Variants in CTNND2 observed in about 807,000 individuals in gnomAD.
CTNND2 encodes the protein catenin delta 2.
Under a neutral mutation model 144.4 loss-of-function variants are expected in CTNND2, and 22 were observed. The ratio of observed to expected loss-of-function variants is 0.15; its 90% confidence interval spans 0.11 to 0.22. CTNND2 has a LOEUF of 0.22. CTNND2 is among the 10% of genes least tolerant of loss of function. The pLI is 1.00. For synonymous variants in CTNND2, 751 were observed against 695.6 expected, an observed-to-expected ratio of 1.08 and a Z score of -1.25; for missense variants, 1,353 against 1,618.8, an observed-to-expected ratio of 0.84 and a Z score of 2.82.
intron 2 of CTNND2, among the ~76,000 whole-genome samples, chr5:11,648,668 G>A (rs1421905221): frequency 6.6e-6 from 1 of 151,742 alleles, no homozygotes; most frequent in Non-Finnish European, 1.5e-5. Flanking sequence ...ATTCTCTCAT[G>A]ATCTATAATT....
intron 1 of CTNND2, among the ~76,000 whole-genome samples, chr5:11,885,986 G>T (rs1358878969): frequency 6.6e-6 from 1 of 151,890 alleles, no homozygotes; most frequent in African/African-American, 2.4e-5. Context: ...AATAAAAATG[G>T]AAACACAACA....
intron 4 of CTNND2, 89 bp from the exon 5 acceptor site, chr5:11,411,741 T>C (rs1399155864): frequency 1.2e-6 from 1 of 844,940 alleles, no homozygotes; most frequent in Non-Finnish European, 1.9e-6. Flanking sequence ...GAAAATATCC[T>C]AGTCAAATAT....
At chr5:11,213,455 C>T (rs748677) in intron 10 of CTNND2, among the ~76,000 whole-genome samples, 21 of 152,186 alleles carry the variant, frequency 1.4e-4, no homozygotes, top group South Asian at 8.3e-4. Flanking sequence ...GAAATCTGTC[C>T]GCAACAAGGC....
intron 8 of CTNND2, among the ~76,000 whole-genome samples, chr5:11,354,158 A>G: frequency 6.6e-6 from 1 of 152,210 alleles, no homozygotes; most frequent in South Asian, 2.1e-4. Context: ...ACGAGGCTCA[A>G]CAATGTGGTG....
At chr5:11,393,230 C>T (rs1173016492) in intron 6 of CTNND2, among the ~76,000 whole-genome samples, 1 of 152,196 alleles carries the variant, frequency 6.6e-6, no homozygotes. Context: ...AGAACACTTA[C>T]CACTGTTCAG....
intron 9 of CTNND2, among the ~76,000 whole-genome samples, chr5:11,300,876 C>T (rs1749529270): frequency 6.6e-6 from 1 of 152,190 alleles, no homozygotes; most frequent in South Asian, 2.1e-4. Context: ...GTCTTCAGAA[C>T]ACGGGCCTGC....
At chr5:11,698,627 T>G (rs931729025) in intron 2 of CTNND2, among the ~76,000 whole-genome samples, 6 of 152,108 alleles carry the variant, frequency 3.9e-5, no homozygotes, top group Non-Finnish European at 8.8e-5. Flanking sequence ...ACACTTCCTT[T>G]TTTGTCTCCA....
chr5:11,789,445 C>A (rs2126865424), intron 1 of CTNND2, among the ~76,000 whole-genome samples: 1 of 152,046 alleles, frequency 6.6e-6, no homozygotes, highest in South Asian at 2.1e-4. Context: ...AAAAGTTTTG[C>A]ATATTTTTGT....
At chr5:11,797,339 A>C (rs527807670) in intron 1 of CTNND2, among the ~76,000 whole-genome samples, 5 of 152,338 alleles carry the variant, frequency 3.3e-5, no homozygotes, top group Admixed American at 6.5e-5. Flanking sequence ...AGGGTGGAGA[A>C]TATTCCTGGC....
chr5:11,493,376 TAAA>T (rs1769627185), intron 3 of CTNND2, among the ~76,000 whole-genome samples: 1 of 152,172 alleles, frequency 6.6e-6, no homozygotes, highest in Non-Finnish European at 1.5e-5. Context: ...TCTCTTGGGT[TAAA>T]CTATAGGCTG....
chr5:11,855,859 G>A (rs1413951523), intron 1 of CTNND2, among the ~76,000 whole-genome samples: 2 of 152,192 alleles, frequency 1.3e-5, no homozygotes, highest in African/African-American at 2.4e-5. Context: ...GGAGGTCATA[G>A]TCTGCAAACC....
At chr5:11,083,584 A>G (rs1345288731) in intron 15 of CTNND2, among the ~76,000 whole-genome samples, 1 of 152,214 alleles carries the variant, frequency 6.6e-6, no homozygotes, top group African/African-American at 2.4e-5. Context: ...TCAGGATGAT[A>G]AAGCATTCCC....
chr5:11,446,787 T>A (rs1445579190), intron 3 of CTNND2, among the ~76,000 whole-genome samples: 1 of 152,072 alleles, frequency 6.6e-6, no homozygotes, highest in Non-Finnish European at 1.5e-5. Flanking sequence ...AAGGAGCAAG[T>A]GGCAGGCTAG....
chr5:11,811,414 C>G (rs1792325872), intron 1 of CTNND2, among the ~76,000 whole-genome samples: 2 of 152,116 alleles, frequency 1.3e-5, no homozygotes. Context: ...CACAACTTAC[C>G]CATTCCACAT....
rs139694144 is a variant in CTNND2, at chr5:11,656,117, G to C, written c.174+76019C>G. 1.4e-4 allele frequency among the ~76,000 whole-genome samples: 21 copies of C among 152,074 alleles called. No individual in the cohort carries two copies. The East Asian group carries it at 3.7e-3, about 27-fold the overall frequency. On this transcript the variant is annotated intron_variant, in intron 2 of 21. Transcript: ENST00000304623. Reference sequence around the variant, plus strand: ...TACATAAAAAGAGAACCATAAATTGGCATGAGACTATAAATTACAGTCAAA... The same window carrying C: ...TACATAAAAAGAGAACCATAAATTGCCATGAGACTATAAATTACAGTCAAA...
intron 1 of CTNND2, among the ~76,000 whole-genome samples, chr5:11,864,957 C>G (rs552490023): frequency 3.1e-4 from 40 of 130,244 alleles, no homozygotes; most frequent in Admixed American, 8.4e-4. Context: ...TGCAATGGCA[C>G]GATCTCAGCT....
intron 18 of CTNND2, among the ~76,000 whole-genome samples, chr5:11,000,766 A>G (rs1739872633): frequency 6.6e-6 from 1 of 152,198 alleles, no homozygotes; most frequent in Admixed American, 6.5e-5. Context: ...TTTTCCACAC[A>G]TTAAGGGCAA....
At chr5:11,064,733 G>A (rs190715885) in intron 16 of CTNND2, among the ~76,000 whole-genome samples, 148 of 152,232 alleles carry the variant, frequency 9.7e-4, no homozygotes, top group Middle Eastern at 6.8e-3. Context: ...AAAGCAAAAC[G>A]GAGATATAGT....
At chr5:11,425,673 C>T (rs970840966) in intron 3 of CTNND2, among the ~76,000 whole-genome samples, 1 of 152,214 alleles carries the variant, frequency 6.6e-6, no homozygotes, top group East Asian at 1.9e-4. Context: ...GGATTATTTA[C>T]ACCAATCTAT....
Sources: gnomAD v4.1 joint callset for allele counts (sites outside exome capture counted in the v4.1 genomes callset) on GRCh38, gnomAD v4.1.1 for gene constraint, MANE v1.5 for transcripts, NCBI Gene and HGNC (gene_info 2026-07-23, HGNC 2026-07-21) for gene names.